MGAT5B: variants seen among roughly 807,000 people sequenced by gnomAD.
MGAT5B encodes the protein N-acetylglucosaminyl-transferase Vb.
A neutral mutation model predicts 95.1 loss-of-function variants in MGAT5B; 54 were observed. That is an observed-to-expected ratio of 0.57 (90% CI 0.46 to 0.71). The LOEUF (loss-of-function observed/expected upper bound fraction) is 0.71, where lower values mean the gene tolerates loss of function less well. Among genes scored for constraint, MGAT5B ranks in the 30% least tolerant of loss-of-function variants. The pLI is 0.00. For synonymous variants in MGAT5B, 464 were observed against 451.0 expected, an observed-to-expected ratio of 1.03 and a Z score of -0.36; for missense variants, 935 against 1,088.6, an observed-to-expected ratio of 0.86 and a Z score of 1.99.
At chr17:76,872,346 T>TG (rs1017076493) in intron 1 of MGAT5B, among the ~76,000 whole-genome samples, 6 of 152,230 alleles carry the variant, frequency 3.9e-5, no homozygotes, top group African/African-American at 1.2e-4. Context: ...GGGGTCTGGC[T>TG]GGCCTCAGGC....
chr17:76,891,679 C>T (rs2087731163), intron 3 of MGAT5B, among the ~76,000 whole-genome samples: 1 of 152,210 alleles, frequency 6.6e-6, no homozygotes, highest in South Asian at 2.1e-4. Flanking sequence ...TGCGCCCGGC[C>T]CTGGGGGTTA....
At chr17:76,911,771 A>G (rs1968745200) in intron 8 of MGAT5B, among the ~76,000 whole-genome samples, 1 of 152,110 alleles carries the variant, frequency 6.6e-6, no homozygotes, top group African/African-American at 2.4e-5. Flanking sequence ...ACAGTTTGAG[A>G]TGTGGATGAG....
Position 76,948,007 on chromosome 17 carries a change from A to C in MGAT5B, c.2101A>C (p.Thr701Pro). Residue 701 changes from threonine (T) to proline (P), a missense_variant, in exon 17 of 18, where the codon ACC becomes CCC. Physicochemically the swap from Thr to Pro is conservative, Grantham distance 38. Coordinates refer to ENST00000569840, the MANE Select transcript of MGAT5B (RefSeq NM_001199172.2). ...GCTGGCCGTGCCTGGGAGGGCCTGCACCGACACCTGCCTGGACCACGGGCT... is the reference window on the plus strand; with the variant it reads ...GCTGGCCGTGCCTGGGAGGGCCTGCCCCGACACCTGCCTGGACCACGGGCT... Reference protein sequence around the residue: ...AWLAVPGRACTDTCLDHGLIC... With the variant: ...AWLAVPGRACPDTCLDHGLIC... 6.2e-7 allele frequency: 1 copy of C among 1,612,786 alleles called. No individual in the cohort carries two copies. Among genetic ancestry groups the C allele is most frequent in the Non-Finnish European group, 8.5e-7 (1 of 1,179,548 alleles).
chr17:76,877,218 G>A (rs539515795), intron 2 of MGAT5B, among the ~76,000 whole-genome samples: 13 of 151,980 alleles, frequency 8.6e-5, no homozygotes, highest in African/African-American at 2.9e-4. Flanking sequence ...TCAGCTCCTC[G>A]GGAGGCTGAG....
At chr17:76,948,552 G>A (rs964829889) in intron 17 of MGAT5B, 88 bp from the exon 18 acceptor site, 1 of 1,338,622 alleles carries the variant, frequency 7.5e-7, no homozygotes, top group African/African-American at 1.4e-5. Context: ...GAGCAGGCAG[G>A]ACTAGGCTGG....
chr17:76,928,684 A>G lies in MGAT5B; in HGVS notation c.1291+1954A>G, dbSNP rs530973912. Among the ~76,000 whole-genome samples, 231 of 151,960 alleles carry G rather than the reference A, an allele frequency of 1.5e-3. 1 individual carries two copies. The highest frequency in any genetic ancestry group is 5.3e-3 in the African/African-American group (220 of 41,458). On this transcript the variant is annotated intron_variant, in intron 10 of 17. Coordinates refer to ENST00000569840, the MANE Select transcript of MGAT5B (RefSeq NM_001199172.2). ...CGTGGCACTGCACTCCAGCCTGGGC[A>G]ACAGAGCAAGATTCTGTCTTGGGGG... is the stretch of plus-strand genomic sequence containing the variant.
intron 15 of MGAT5B, among the ~76,000 whole-genome samples, chr17:76,943,749 C>G: frequency 6.6e-6 from 1 of 152,002 alleles, no homozygotes; most frequent in East Asian, 1.9e-4. Context: ...CCTAATAATT[C>G]TATTTTAGAA....
chr17:76,869,155 A>C lies in MGAT5B; in HGVS notation c.68+58A>C. 6.7e-7 allele frequency: 1 copy of C among 1,496,026 alleles called. No homozygotes were observed. Among genetic ancestry groups the C allele is most frequent in the East Asian group, 2.3e-5 (1 of 43,990 alleles). The allele number at this position is 1,496,026 out of a possible 1,614,324, so 92.7% of individuals were successfully genotyped here. On this transcript the variant is annotated intron_variant, in intron 1 of 17. Coordinates refer to ENST00000569840, the MANE Select transcript of MGAT5B (RefSeq NM_001199172.2). The surrounding 1 kb of genome is among the most constrained non-coding windows in gnomAD (Gnocchi z 7.0). Reference sequence around the variant, plus strand: ...GGGGGGCGCCGGGTGGAGGTGGGCGAGGTCGGTTCCTGCGAACGTTCAAGT... The same window carrying C: ...GGGGGGCGCCGGGTGGAGGTGGGCGCGGTCGGTTCCTGCGAACGTTCAAGT...
intron 12 of MGAT5B, among the ~76,000 whole-genome samples, chr17:76,934,800 C>T (rs1226583684): frequency 6.6e-6 from 1 of 152,178 alleles, no homozygotes; most frequent in African/African-American, 2.4e-5. Flanking sequence ...CAAAAAAAGA[C>T]ATCTTTGCCC....
intron 16 of MGAT5B, among the ~76,000 whole-genome samples, chr17:76,946,881 C>G (rs769282490): frequency 1.3e-5 from 2 of 152,242 alleles, no homozygotes; most frequent in Non-Finnish European, 2.9e-5. Context: ...AACCAGGGGA[C>G]AGCCCCACGG....
chr17:76,902,560 C>G lies in MGAT5B; in HGVS notation c.335C>G (p.Pro112Arg). The change falls in exon 4 of 18, where the codon CCC (proline) becomes CGC (arginine). Residue 112 changes from proline (P) to arginine (R), a missense_variant. By Grantham distance (103) the Pro-to-Arg change is moderately radical. Transcript: ENST00000569840. ...GDLHFPADRM[P>R]PGAGLMERIQ... ...CTCTGGCTTTTCCCACTTAGGATGC[C>G]CCCTGGGGCCGGCCTCATGGAGCGG... is the stretch of plus-strand genomic sequence containing the variant. 4 of 1,586,604 alleles carry G rather than the reference C, an allele frequency of 2.5e-6. No homozygotes were observed. Among genetic ancestry groups the G allele is most frequent in the Middle Eastern group, 1.7e-4 (1 of 6,020 alleles).
chr17:76,885,368 G>A (rs748353124), intron 3 of MGAT5B, among the ~76,000 whole-genome samples: 8 of 152,138 alleles, frequency 5.3e-5, no homozygotes, highest in African/African-American at 9.7e-5. Context: ...GCCTCTGTCC[G>A]CAGGCCTGTT....
chr17:76,939,182 A>C lies in MGAT5B; in HGVS notation c.1584+1039A>C, dbSNP rs566669327. 1.6e-3 allele frequency among the ~76,000 whole-genome samples: 238 copies of C among 151,770 alleles called. 2 individuals are homozygous for C. The highest frequency in any genetic ancestry group is 4.9e-4 in the Non-Finnish European group (33 of 67,944). ...AGTGCCTTTGAGGCCAGCCCTGTGC[A>C]CTCCTAGCACAAGTTACTTAAAAAA... is the stretch of plus-strand genomic sequence containing the variant. On this transcript the variant is annotated intron_variant, in intron 13 of 17. Coordinates refer to ENST00000569840, the MANE Select transcript of MGAT5B (RefSeq NM_001199172.2).
rs201117287 is a variant in MGAT5B at position 76,948,027 on chromosome 17, C to T, written c.2121C>T (p.His707=). The change falls in exon 17 of 18, where the codon CAC becomes CAT. Residue 707 remains histidine, a synonymous_variant. Transcript: ENST00000569840. The stretch of plus-strand genomic sequence containing the variant: ...CCTGCACCGACACCTGCCTGGACCA[C>T]GGGCTAATCTGTGAGCCCTCCTTCT... ...GRACTDTCLD[H]GLICEPSFFP... is the part of the protein sequence containing the mutation. 282 of 1,613,048 alleles carry T rather than the reference C, an allele frequency of 1.7e-4. No individual in the cohort carries two copies. The highest frequency in any genetic ancestry group is 2.3e-4 in the Non-Finnish European group (267 of 1,179,624).
At position 76,918,008 on chromosome 17, in the gene MGAT5B, G is replaced by A. The variant is rs115984759; in HGVS notation, c.1026-6958G>A. 0.016 allele frequency among the ~76,000 whole-genome samples: 2,454 copies of A among 152,290 alleles called. 64 individuals are homozygous for A. The highest frequency in any genetic ancestry group is 0.056 in the African/African-American group (2,306 of 41,546). On this transcript the variant is annotated intron_variant, in intron 8 of 17. Coordinates refer to ENST00000569840, the MANE Select transcript of MGAT5B (RefSeq NM_001199172.2). The surrounding 1 kb of genome is among the most constrained non-coding windows in gnomAD (Gnocchi z 5.1). ...TCCTGCAGCCGTGCTGGCAGCCAGC[G>A]GGGTGAGTGTGTGGTCTCCTCCAGC...
At chr17:76,932,600 T>G (rs1017331459) in intron 10 of MGAT5B, 45 bp from the exon 11 acceptor site, 30 of 1,588,402 alleles carry the variant, frequency 1.9e-5, no homozygotes, top group East Asian at 2.3e-5. Flanking sequence ...GGGGCTGCCC[T>G]TGGTTGTTTG....
intron 3 of MGAT5B, among the ~76,000 whole-genome samples, chr17:76,901,402 T>TAAA (rs57832999): frequency 0.14 from 19,374 of 143,510 alleles, 1,649 homozygotes; most frequent in African/African-American, 0.22. Flanking sequence ...ATTAATGTGT[T>TAAA]AAAAAAAAAA....
chr17:76,897,946 C>T (rs1161155076), intron 3 of MGAT5B, among the ~76,000 whole-genome samples: 17 of 151,580 alleles, frequency 1.1e-4, no homozygotes. Context: ...ATCCCAGCTA[C>T]TCGGGAGGCT....
chr17:76,887,659 T>C (rs1386294847), intron 3 of MGAT5B, among the ~76,000 whole-genome samples: 2 of 150,716 alleles, frequency 1.3e-5, no homozygotes. Flanking sequence ...GTTCAAGCAA[T>C]TCTCCCGCCT....
Sources: allele counts gnomAD v4.1 joint callset (sites outside exome capture counted in the v4.1 genomes callset), GRCh38; gene constraint gnomAD v4.1.1; non-coding constraint Gnocchi (gnomAD v3.1); transcripts MANE v1.5; gene names NCBI Gene and HGNC (gene_info 2026-07-23, HGNC 2026-07-21).